The following CACNA1C variants were observed in gnomAD, a reference collection of about 807,000 sequenced individuals.
CACNA1C encodes calcium voltage-gated channel subunit alpha1 C.
A neutral mutation model predicts 229.0 loss-of-function variants in CACNA1C; 30 were observed. The observed-to-expected ratio is 0.13, with a 90% CI of 0.10 to 0.18. The LOEUF (loss-of-function observed/expected upper bound fraction) is 0.18. CACNA1C is among the 10% of genes least tolerant of loss of function. CACNA1C has a pLI of 1.00. For missense variants in CACNA1C, 1,658 were observed against 2,845.0 expected, an observed-to-expected ratio of 0.58 and a Z score of 9.49; for synonymous variants, 1,114 against 1,132.5, an observed-to-expected ratio of 0.98 and a Z score of 0.33.
intron 43 of CACNA1C, among the ~76,000 whole-genome samples, chr12:2,685,330 G>A (rs555445569): frequency 3.3e-5 from 5 of 151,032 alleles, no homozygotes; most frequent in African/African-American, 4.9e-5. Flanking sequence ...ATCGGGGGAC[G>A]GGCATAAGTT....
At chr12:2,673,940 C>T (rs1271442846) in intron 38 of CACNA1C, among the ~76,000 whole-genome samples, 1 of 152,198 alleles carries the variant, frequency 6.6e-6, no homozygotes, top group African/African-American at 2.4e-5. Flanking sequence ...ATCCTGTCCC[C>T]TACATCTGCC....
At position 2,602,549 on chromosome 12, in the gene CACNA1C, A is replaced by G. The variant is rs906544561; in HGVS notation, c.2960+589A>G. Among the ~76,000 whole-genome samples the G allele has an allele frequency of 7.2e-6, 1 of 138,180 alleles. No individual in the cohort carries two copies. The highest frequency in any genetic ancestry group is 2.5e-5 in the African/African-American group (1 of 40,188). The allele number at this position is 138,180 out of a possible 152,430, so 90.7% of individuals were successfully genotyped here. A position where few individuals can be genotyped will look rare whatever the true frequency, so the allele number is the denominator to read the frequency against. ...TGTGTTTGTGTCTGCATATGTGTCT[A>G]TGGACGTGAATGTATATGTGTATGT... On this transcript the variant is annotated intron_variant, in intron 22 of 46. Coordinates refer to ENST00000399655, the MANE Select transcript of CACNA1C (RefSeq NM_000719.7). This position sits in a 1 kb window ranked among gnomAD's most constrained non-coding sequence, Gnocchi z 4.4.
At chr12:2,075,924 A>G (rs2063033780) in intron 1 of CACNA1C, among the ~76,000 whole-genome samples, 1 of 152,152 alleles carries the variant, frequency 6.6e-6, no homozygotes, top group African/African-American at 2.4e-5. Context: ...TAATCTCTAG[A>G]GACTGTCATA....
chr12:2,192,753 C>A (rs1378781749), intron 3 of CACNA1C, among the ~76,000 whole-genome samples: 3 of 151,308 alleles, frequency 2.0e-5, no homozygotes, highest in Non-Finnish European at 4.4e-5. Flanking sequence ...ACCTGGCACT[C>A]CCCCCACTCT....
chr12:2,429,130 G>T (rs986075029), intron 3 of CACNA1C, among the ~76,000 whole-genome samples: 1 of 151,976 alleles, frequency 6.6e-6, no homozygotes, highest in Non-Finnish European at 1.5e-5. Flanking sequence ...GCTTTGCCTC[G>T]GTGGTCACAT....
chr12:2,498,416 A>G (rs2154575088), intron 7 of CACNA1C, among the ~76,000 whole-genome samples: 1 of 152,386 alleles, frequency 6.6e-6, no homozygotes, highest in African/African-American at 2.4e-5. Context: ...AAGCATATCA[A>G]GGAAGAGAGT....
At chr12:2,157,667 C>A (rs1266122539) in intron 3 of CACNA1C, among the ~76,000 whole-genome samples, 1 of 152,224 alleles carries the variant, frequency 6.6e-6, no homozygotes, top group Non-Finnish European at 1.5e-5. Flanking sequence ...ATAAGCCACA[C>A]CTGTGCTCAC....
intron 15 of CACNA1C, among the ~76,000 whole-genome samples, 163 bp from the exon 16 acceptor site, chr12:2,584,340 G>C (rs1022521768): frequency 2.0e-5 from 3 of 152,192 alleles, no homozygotes; most frequent in East Asian, 3.9e-4. Context: ...GGGGAGGAAG[G>C]GGAGGGGAGG....
intron 3 of CACNA1C, among the ~76,000 whole-genome samples, chr12:2,274,634 G>A: frequency 6.6e-6 from 1 of 152,184 alleles, no homozygotes; most frequent in South Asian, 2.1e-4. Flanking sequence ...CCTGTATCCT[G>A]TTTTCACATG....
intron 1 of CACNA1C, chr12:2,004,329 C>A (rs754775292): frequency 6.2e-7 from 1 of 1,613,328 alleles, no homozygotes; most frequent in East Asian, 2.2e-5. Context: ...ACCTGGCTGG[C>A]CACGTCCACG....
Position 2,504,874 on chromosome 12 carries a change from G to C in CACNA1C, c.1146G>C (p.Trp382Cys). ...VNDAVGRDWP[W>C]IYFVTLIIIG... ...ATGCCGTAGGAAGGGACTGGCCCTG[G>C]ATCTATTTTGTTACACTAATCATCA... The change falls in exon 8 of 47, where the codon TGG becomes TGC. Residue 382 changes from tryptophan (W) to cysteine (C), a missense_variant. By Grantham distance (215) the Trp-to-Cys change is radical. Around this residue, in one of 20 missense-constraint regions of CACNA1C, gnomAD observed 84 missense variants for 202.6 expected, o/e 0.41. Transcript: ENST00000399655. The surrounding 1 kb of genome is among the most constrained non-coding windows in gnomAD (Gnocchi z 6.8). The C allele has an allele frequency of 6.2e-7, 1 of 1,605,810 alleles. No individual in the cohort carries two copies. Among genetic ancestry groups the C allele is most frequent in the Non-Finnish European group, 8.5e-7 (1 of 1,172,776 alleles).
chr12:2,237,307 T>C (rs2067813694), intron 3 of CACNA1C, among the ~76,000 whole-genome samples: 1 of 152,236 alleles, frequency 6.6e-6, no homozygotes, highest in African/African-American at 2.4e-5. Flanking sequence ...GGTATGATAG[T>C]GTGGGTTCAC....
chr12:2,204,545 A>G (rs1190545568), intron 3 of CACNA1C, among the ~76,000 whole-genome samples: 3 of 151,254 alleles, frequency 2.0e-5, no homozygotes, highest in Admixed American at 6.6e-5. Context: ...AACCAACCCA[A>G]ATGTCCAACA....
intron 1 of CACNA1C, among the ~76,000 whole-genome samples, chr12:2,065,066 C>T (rs1390298658): frequency 6.6e-6 from 1 of 152,206 alleles, no homozygotes. Context: ...CCCTCACTGG[C>T]CCTGCTCACA....
At chr12:2,250,320 A>T (rs1445945165) in intron 3 of CACNA1C, among the ~76,000 whole-genome samples, 2 of 152,076 alleles carry the variant, frequency 1.3e-5, no homozygotes, top group Non-Finnish European at 2.9e-5. Flanking sequence ...AGTTGGGAGC[A>T]CTCAGCTTAT....
rs1400849439 is a variant in CACNA1C at position 2,410,727 on chromosome 12, TGTGTGTGTGCATGC to T, written c.478-38240_478-38227del. 4.9e-4 allele frequency among the ~76,000 whole-genome samples: 74 copies of T among 149,868 alleles called. No individual in the cohort carries two copies. Among genetic ancestry groups the T allele is most frequent in the African/African-American group, 1.8e-3 (72 of 41,068 alleles). On this transcript the variant is annotated intron_variant, in intron 3 of 46. Coordinates refer to ENST00000399655, the MANE Select transcript of CACNA1C (RefSeq NM_000719.7). The surrounding 1 kb of genome is among the most constrained non-coding windows in gnomAD (Gnocchi z 5.3). ...GTGTGTGTGTGTGCGTGCACGCATG[TGTGTGTGTGCATGC>T]GTGTGTGTATTCCAGGAGCTGACTC...
intron 13 of CACNA1C, among the ~76,000 whole-genome samples, chr12:2,570,776 G>A (rs1433201045): frequency 6.6e-6 from 1 of 152,202 alleles, no homozygotes; most frequent in East Asian, 1.9e-4. Context: ...ATTACCTGCT[G>A]TGAGAAATTG....
At chr12:2,235,444 G>T (rs1027214289) in intron 3 of CACNA1C, among the ~76,000 whole-genome samples, 21 of 152,134 alleles carry the variant, frequency 1.4e-4, no homozygotes, top group Admixed American at 1.4e-3. Flanking sequence ...GCAACCCAAG[G>T]CTAATTTTTT....
At chr12:2,366,789 G>T (rs975136951) in intron 3 of CACNA1C, among the ~76,000 whole-genome samples, 1 of 152,140 alleles carries the variant, frequency 6.6e-6, no homozygotes, top group African/African-American at 2.4e-5. Context: ...TCCACAGGCT[G>T]TACAGGAAGC....
Sources: allele counts gnomAD v4.1 joint callset (sites outside exome capture counted in the v4.1 genomes callset), GRCh38; gene constraint gnomAD v4.1.1; regional missense constraint gnomAD v4.1.1; non-coding constraint Gnocchi (gnomAD v3.1); transcripts MANE v1.5; gene names NCBI Gene and HGNC (gene_info 2026-07-23, HGNC 2026-07-21).